The following ADAMTS12 variants were observed in gnomAD, a reference collection of about 807,000 sequenced individuals.
The protein encoded by ADAMTS12 is ADAM metallopeptidase with thrombospondin type 1 motif 12, also known as A disintegrin and metalloproteinase with thrombospondin motifs 12.
Under a neutral mutation model 167.8 loss-of-function variants are expected in ADAMTS12, and 118 were observed. The ratio of observed to expected loss-of-function variants is 0.70; its 90% CI spans 0.61 to 0.82. The LOEUF (loss-of-function observed/expected upper bound fraction) is 0.82, where lower values mean the gene tolerates loss of function less well. Among genes scored for constraint, ADAMTS12 ranks in the 40% least tolerant of loss-of-function variants. The probability of loss-of-function intolerance (pLI) is 0.00; values close to 1 mark genes in which losing one functional copy is unlikely to be tolerated. For missense variants in ADAMTS12, 1,916 were observed against 1,998.8 expected, an observed-to-expected ratio of 0.96 and a Z score of 0.79; for synonymous variants, 704 against 716.9, an observed-to-expected ratio of 0.98 and a Z score of 0.29.
At chr5:33,839,941 A>G (rs2111591462) in intron 2 of ADAMTS12, among the ~76,000 whole-genome samples, 1 of 152,352 alleles carries the variant, frequency 6.6e-6, no homozygotes, top group African/African-American at 2.4e-5. Flanking sequence ...AGAAAAAGAC[A>G]CTACAAAAAG....
intron 18 of ADAMTS12, among the ~76,000 whole-genome samples, chr5:33,580,058 G>C (rs1229969271): frequency 6.6e-6 from 1 of 152,190 alleles, no homozygotes; most frequent in Non-Finnish European, 1.5e-5. Context: ...AGATTTCCTA[G>C]AGCCAACCGA....
At chr5:33,659,183 A>C (rs1741167810) in intron 6 of ADAMTS12, among the ~76,000 whole-genome samples, 1 of 152,182 alleles carries the variant, frequency 6.6e-6, no homozygotes, top group Non-Finnish European at 1.5e-5. Flanking sequence ...CATGGAAAAG[A>C]TCCAGACTTT....
intron 2 of ADAMTS12, among the ~76,000 whole-genome samples, chr5:33,808,792 G>A (rs1747334884): frequency 6.6e-6 from 1 of 152,138 alleles, no homozygotes. Flanking sequence ...AAGAAACTGA[G>A]GCCCAAGGAG....
intron 9 of ADAMTS12, among the ~76,000 whole-genome samples, chr5:33,645,624 AT>A (rs1740634754): frequency 6.6e-6 from 1 of 151,966 alleles, no homozygotes; most frequent in South Asian, 2.1e-4. Context: ...TTCACTGAGC[AT>A]TTAGAAAGGA....
intron 2 of ADAMTS12, among the ~76,000 whole-genome samples, chr5:33,785,346 C>T (rs1362729607): frequency 1.3e-5 from 2 of 151,960 alleles, no homozygotes; most frequent in Admixed American, 6.6e-5. Flanking sequence ...GCAAACTTTG[C>T]TCTCAAAATA....
At chr5:33,849,801 T>C (rs1412312501) in intron 2 of ADAMTS12, among the ~76,000 whole-genome samples, 2 of 150,314 alleles carry the variant, frequency 1.3e-5, no homozygotes, top group African/African-American at 2.4e-5. Context: ...TATATATGTA[T>C]TGCATAGCAA....
chr5:33,651,569 T>C (rs1367075118), intron 7 of ADAMTS12, among the ~76,000 whole-genome samples: 2 of 152,238 alleles, frequency 1.3e-5, no homozygotes, highest in African/African-American at 4.8e-5. Flanking sequence ...CCAATGTTTC[T>C]TAGTTTGATC....
chr5:33,829,759 T>C (rs139850036), intron 2 of ADAMTS12, among the ~76,000 whole-genome samples: 2 of 152,314 alleles, frequency 1.3e-5, no homozygotes, highest in East Asian at 3.9e-4. Flanking sequence ...GCAGCTGTGG[T>C]CGGAAAGTAC....
intron 12 of ADAMTS12, among the ~76,000 whole-genome samples, chr5:33,635,112 C>T (rs1019258341): frequency 1.6e-4 from 25 of 152,122 alleles, no homozygotes; most frequent in Admixed American, 7.9e-4. Context: ...GGTTAAGATG[C>T]TTAAGAGGTA....
intron 3 of ADAMTS12, among the ~76,000 whole-genome samples, chr5:33,691,359 C>T (rs767129714): frequency 2.0e-5 from 3 of 152,124 alleles, no homozygotes; most frequent in South Asian, 2.1e-4. Flanking sequence ...TTAGGGAATA[C>T]TAGCTTAGGA....
intron 2 of ADAMTS12, among the ~76,000 whole-genome samples, chr5:33,797,578 G>C (rs997841063): frequency 1.3e-5 from 2 of 151,534 alleles, no homozygotes; most frequent in African/African-American, 4.9e-5. Context: ...TCAGAACTTA[G>C]TGATGAAGGT....
At chr5:33,872,181 C>G (rs1750061446) in intron 2 of ADAMTS12, among the ~76,000 whole-genome samples, 1 of 152,098 alleles carries the variant, frequency 6.6e-6, no homozygotes, top group Non-Finnish European at 1.5e-5. Context: ...ATGACAGAAG[C>G]AGAGGGAATT....
At chr5:33,772,648 A>T (rs561427629) in intron 2 of ADAMTS12, among the ~76,000 whole-genome samples, 2 of 152,352 alleles carry the variant, frequency 1.3e-5, no homozygotes, top group East Asian at 1.9e-4. Context: ...CTTGAAAAAG[A>T]GCAGCTTGGC....
At chr5:33,623,794 G>A (rs1385807500) in intron 14 of ADAMTS12, among the ~76,000 whole-genome samples, 1 of 152,156 alleles carries the variant, frequency 6.6e-6, no homozygotes, top group African/African-American at 2.4e-5. Flanking sequence ...ACCCATTGCT[G>A]GCTTCTGTCC....
At chr5:33,696,343 C>A (rs533988211) in intron 3 of ADAMTS12, among the ~76,000 whole-genome samples, 1 of 150,842 alleles carries the variant, frequency 6.6e-6, no homozygotes, top group African/African-American at 2.5e-5. Context: ...ATGGCGGGAA[C>A]CCGGGAGGCA....
intron 18 of ADAMTS12, among the ~76,000 whole-genome samples, chr5:33,584,717 T>C (rs1747247342): frequency 6.6e-6 from 1 of 152,212 alleles, no homozygotes; most frequent in African/African-American, 2.4e-5. Context: ...TAAGAGAGAA[T>C]TAGCACTGGC....
chr5:33,679,554 C>T (rs1277013019), intron 5 of ADAMTS12, among the ~76,000 whole-genome samples: 1 of 152,158 alleles, frequency 6.6e-6, no homozygotes, highest in Non-Finnish European at 1.5e-5. Context: ...GAAACCACCT[C>T]CATGTTTCAA....
At chr5:33,690,849 G>A (rs961644887) in intron 3 of ADAMTS12, among the ~76,000 whole-genome samples, 3 of 152,030 alleles carry the variant, frequency 2.0e-5, no homozygotes, top group Non-Finnish European at 2.9e-5. Flanking sequence ...TTTCCGTTCC[G>A]CACTCTCTGA....
At chr5:33,891,648 G>A (rs1750858240) in intron 1 of ADAMTS12, 82 bp downstream of exon 1, 1 of 1,588,188 alleles carries the variant, frequency 6.3e-7, no homozygotes, top group Non-Finnish European at 8.6e-7. Flanking sequence ...TCTGCCGGGT[G>A]GGGGAAGGGA....
Sources: gnomAD v4.1 joint callset for allele counts (sites outside exome capture counted in the v4.1 genomes callset) on GRCh38, gnomAD v4.1.1 for gene constraint, MANE v1.5 for transcripts, NCBI Gene and HGNC (gene_info 2026-07-23, HGNC 2026-07-21) for gene names.